Variants in PFKFB3 observed in about 807,000 individuals in gnomAD.
The protein encoded by PFKFB3 is 6-phosphofructo-2-kinase/fructose-2,6-biphosphatase 3, also known as 6-phosphofructo-2-kinase/fructose-2,6-bisphosphatase 3.
PFKFB3 carries 33 observed loss-of-function variants against 68.0 expected under a neutral mutation model. The observed-to-expected ratio is 0.49, with a 90% CI of 0.37 to 0.65. The LOEUF (loss-of-function observed/expected upper bound fraction) is 0.65. PFKFB3 is among the 30% of genes least tolerant of loss of function. The probability of loss-of-function intolerance (pLI) is 0.00; values close to 1 mark genes in which losing one functional copy is unlikely to be tolerated. For missense variants in PFKFB3, 586 were observed against 712.2 expected, an observed-to-expected ratio of 0.82 and a Z score of 2.02; for synonymous variants, 315 against 288.2, an observed-to-expected ratio of 1.09 and a Z score of -0.94.
At chr10:6,148,039 G>A (rs142508059) in intron 1 of PFKFB3, among the ~76,000 whole-genome samples, 11 of 152,334 alleles carry the variant, frequency 7.2e-5, no homozygotes, top group South Asian at 2.1e-4. Context: ...TGTGTACCAC[G>A]GCATTCATTC....
At chr10:6,284,650 A>T in the PFKFB3 span, among the ~76,000 whole-genome samples, 3 of 152,224 alleles carry the variant, frequency 2.0e-5, no homozygotes, top group East Asian at 3.8e-4. Flanking sequence ...TCTTAGGAAT[A>T]TTCATAGTGT....
chr10:6,168,452 T>C (rs1319510484), intron 1 of PFKFB3, among the ~76,000 whole-genome samples: 1 of 152,208 alleles, frequency 6.6e-6, no homozygotes, highest in Non-Finnish European at 1.5e-5. Context: ...TCTCTGTGCT[T>C]CAGTTCCCTG....
chr10:6,165,642 C>T (rs1842111262), intron 1 of PFKFB3, among the ~76,000 whole-genome samples: 3 of 152,134 alleles, frequency 2.0e-5, no homozygotes, highest in Non-Finnish European at 4.4e-5. Context: ...TGCAAGTTCT[C>T]ATCTGCCAGA....
chr10:6,260,411 CTCAAA>C, the PFKFB3 span, among the ~76,000 whole-genome samples: 2 of 46,242 alleles, frequency 4.3e-5, no homozygotes, highest in Non-Finnish European at 1.2e-4. Flanking sequence ...GAGACTCCGT[CTCAAA>C]AAAAAAAAAA....
chr10:6,263,323 G>A, the PFKFB3 span, among the ~76,000 whole-genome samples: 2 of 151,868 alleles, frequency 1.3e-5, no homozygotes, highest in African/African-American at 4.8e-5. Flanking sequence ...CGGTTTTCCC[G>A]CCCTGGGTGG....
intron 13 of PFKFB3, chr10:6,225,124 CG>C (rs1564639253): frequency 2.2e-6 from 1 of 456,220 alleles, no homozygotes; most frequent in South Asian, 1.5e-5. Flanking sequence ...CAGGTGGACG[CG>C]TGTTGTGAAA....
chr10:6,219,809 GTT>G (rs370376669), intron 7 of PFKFB3, 116 bp downstream of exon 7: 16 of 1,083,612 alleles, frequency 1.5e-5, no homozygotes, highest in Non-Finnish European at 2.0e-5. Context: ...TTTTAAGACA[GTT>G]TTTTTTGTAG....
At chr10:6,293,981 T>TTCATGAATCCCTTGC in the PFKFB3 span, 1 of 523,494 alleles carries the variant, frequency 1.9e-6, no homozygotes, top group Non-Finnish European at 3.9e-6. Flanking sequence ...ATCCAATGGC[T>TTCATGAATCCCTTGC]TCATGAATCC....
the PFKFB3 span, among the ~76,000 whole-genome samples, chr10:6,299,076 C>G: frequency 6.6e-6 from 1 of 152,098 alleles, no homozygotes; most frequent in Admixed American, 6.5e-5. Flanking sequence ...CAAATAAAAC[C>G]TTTAAATTCT....
At chr10:6,268,735 A>G in the PFKFB3 span, among the ~76,000 whole-genome samples, 1 of 151,618 alleles carries the variant, frequency 6.6e-6, no homozygotes, top group Non-Finnish European at 1.5e-5. Flanking sequence ...TAAAGAGGTT[A>G]AAGAGGCTGG....
chr10:6,264,635 G>A, the PFKFB3 span, among the ~76,000 whole-genome samples: 3 of 152,146 alleles, frequency 2.0e-5, no homozygotes, highest in Admixed American at 6.5e-5. Context: ...GAATAGTACA[G>A]AGAAACCCCT....
chr10:6,246,843 C>T (rs544032278), intron 14 of PFKFB3, among the ~76,000 whole-genome samples: 7 of 152,252 alleles, frequency 4.6e-5, no homozygotes, highest in African/African-American at 1.2e-4. Flanking sequence ...CTGTTCCCAT[C>T]GTAAGCAGTT....
At chr10:6,267,015 C>T in the PFKFB3 span, among the ~76,000 whole-genome samples, 1 of 152,094 alleles carries the variant, frequency 6.6e-6, no homozygotes, top group Non-Finnish European at 1.5e-5. Context: ...AATCTTTCAC[C>T]TTTTTTCTCT....
At chr10:6,300,733 G>C in the PFKFB3 span, among the ~76,000 whole-genome samples, 3 of 152,170 alleles carry the variant, frequency 2.0e-5, no homozygotes, top group African/African-American at 7.2e-5. Flanking sequence ...TGGAAGTCCA[G>C]AGTTGAGTGC....
chr10:6,308,393 A>G, the PFKFB3 span, among the ~76,000 whole-genome samples: 3 of 152,182 alleles, frequency 2.0e-5, no homozygotes, highest in African/African-American at 4.8e-5. Context: ...GTCTGTGCCT[A>G]TAATCCCAGC....
the PFKFB3 span, among the ~76,000 whole-genome samples, chr10:6,300,507 G>A: frequency 4.6e-5 from 7 of 152,192 alleles, no homozygotes; most frequent in Non-Finnish European, 7.3e-5. Flanking sequence ...TTAGCAGCAT[G>A]AGCTGCCTTG....
At chr10:6,275,652 A>G in the PFKFB3 span, among the ~76,000 whole-genome samples, 1 of 152,048 alleles carries the variant, frequency 6.6e-6, no homozygotes, top group Non-Finnish European at 1.5e-5. This position sits in a 1 kb window ranked among gnomAD's most constrained non-coding sequence, Gnocchi z 4.9. Flanking sequence ...AGATGGAGTC[A>G]CGTTCTGTCA....
Position 6,222,981 on chromosome 10 carries a change from G to A in PFKFB3, c.1210G>A (p.Ala404Thr). The stretch of plus-strand genomic sequence containing the variant: ...GCTTGCCTACTTCCTGGATAAGAGT[G>A]CAGGTACCTCGGGCAGGTCGTGGCC... ...CLLAYFLDKS[A>T]EEMPYLKCPL... The change falls in exon 11 of 15, where the codon GCA becomes ACA. Residue 404 changes from alanine (A) to threonine (T), a missense_variant. Transcript: ENST00000379775. The A allele has an allele frequency of 1.2e-6, 2 of 1,612,942 alleles. No homozygotes were observed. The highest frequency in any genetic ancestry group is 1.7e-6 in the Non-Finnish European group (2 of 1,179,298).
intron 4 of PFKFB3, among the ~76,000 whole-genome samples, chr10:6,216,465 T>A (rs926252759): frequency 2.0e-5 from 3 of 152,160 alleles, no homozygotes; most frequent in African/African-American, 7.2e-5. Context: ...CACATTACTG[T>A]TTTGCTTGTT....
Sources: allele counts gnomAD v4.1 joint callset (sites outside exome capture counted in the v4.1 genomes callset), GRCh38; gene constraint gnomAD v4.1.1; non-coding constraint Gnocchi (gnomAD v3.1); transcripts MANE v1.5; gene names NCBI Gene and HGNC (gene_info 2026-07-23, HGNC 2026-07-21).